FYB2: variants seen among roughly 807,000 people sequenced by gnomAD.
FYB2 encodes the protein FYN binding protein 2, also known as FYN-binding protein 2.
Under a neutral mutation model 94.1 loss-of-function variants are expected in FYB2, and 103 were observed. The ratio of observed to expected loss-of-function variants is 1.09; its 90% CI spans 0.93 to 1.29. The LOEUF (loss-of-function observed/expected upper bound fraction) is 1.29, where lower values mean the gene tolerates loss of function less well. FYB2 is among the 50% of genes most tolerant of loss of function. FYB2 has a pLI of 0.00. For missense variants in FYB2, 896 were observed against 841.5 expected (o/e 1.06, Z -0.80); for synonymous variants, 293 against 287.9 (o/e 1.02, Z -0.18).
intron 4 of FYB2, among the ~76,000 whole-genome samples, chr1:56,783,026 T>A (rs1016786061): frequency 1.3e-5 from 2 of 152,164 alleles, no homozygotes; most frequent in Admixed American, 1.3e-4. Context: ...GCCAGCCAGC[T>A]TGGTTTGCAT....
intron 15 of FYB2, among the ~76,000 whole-genome samples, chr1:56,734,450 T>A (rs1644784428): frequency 6.6e-6 from 1 of 152,052 alleles, no homozygotes; most frequent in South Asian, 2.1e-4. Flanking sequence ...TAAGAAAACA[T>A]GGCACATATA....
At chr1:56,805,462 G>T (rs1050476541) in intron 1 of FYB2, among the ~76,000 whole-genome samples, 1 of 152,186 alleles carries the variant, frequency 6.6e-6, no homozygotes, top group Admixed American at 6.5e-5. Context: ...CGTGTATGTT[G>T]TCTCAATTAC....
chr1:56,738,692 A>C, intron 13 of FYB2, 39 bp from the exon 14 acceptor site: 2 of 1,600,240 alleles, frequency 1.2e-6, no homozygotes, highest in Non-Finnish European at 8.5e-7. Context: ...TTAAGGAAAA[A>C]AACCATGTTT....
At chr1:56,810,126 T>C (rs1646733040) in intron 1 of FYB2, among the ~76,000 whole-genome samples, 1 of 152,156 alleles carries the variant, frequency 6.6e-6, no homozygotes, top group Non-Finnish European at 1.5e-5. Context: ...TGGTGATTTT[T>C]AGTGATGAAA....
chr1:56,814,661 A>G (rs1302981918), intron 1 of FYB2, among the ~76,000 whole-genome samples: 2 of 152,168 alleles, frequency 1.3e-5, no homozygotes, highest in South Asian at 2.1e-4. Flanking sequence ...AAATTCTCCC[A>G]GAACTCACAA....
intron 7 of FYB2, 57 bp downstream of exon 7, chr1:56,755,839 A>T: frequency 1.3e-6 from 2 of 1,505,462 alleles, no homozygotes; most frequent in Non-Finnish European, 1.8e-6. Flanking sequence ...AAACTAGTTC[A>T]GTCATCAGAA....
upstream of FYB2, chr1:56,819,413 C>T (rs974599324): frequency 4.1e-5 from 57 of 1,395,814 alleles, no homozygotes; most frequent in African/African-American, 1.4e-5. Flanking sequence ...ACAGGACACA[C>T]CTGAGCCCAG....
At chr1:56,805,612 G>A (rs894589772) in intron 1 of FYB2, among the ~76,000 whole-genome samples, 3 of 152,152 alleles carry the variant, frequency 2.0e-5, no homozygotes, top group African/African-American at 4.8e-5. Flanking sequence ...ACCAAAGCCT[G>A]TTGATATGGT....
At chr1:56,802,321 G>A (rs1181313920) in intron 1 of FYB2, among the ~76,000 whole-genome samples, 1 of 152,166 alleles carries the variant, frequency 6.6e-6, no homozygotes, top group Non-Finnish European at 1.5e-5. Context: ...TAGCTGGGCT[G>A]GAGCAATTCG....
intron 4 of FYB2, among the ~76,000 whole-genome samples, chr1:56,782,749 A>G (rs1646037763): frequency 6.6e-6 from 1 of 152,168 alleles, no homozygotes; most frequent in African/African-American, 2.4e-5. Flanking sequence ...TAAACTCTTG[A>G]GAATTCACCC....
At chr1:56,772,132 C>T (rs1239244626) in intron 4 of FYB2, among the ~76,000 whole-genome samples, 1 of 152,024 alleles carries the variant, frequency 6.6e-6, no homozygotes, top group Non-Finnish European at 1.5e-5. Context: ...ATAGGCTATG[C>T]CATAGAGCTC....
At chr1:56,798,986 G>A (rs1217752412) in intron 1 of FYB2, among the ~76,000 whole-genome samples, 1 of 152,186 alleles carries the variant, frequency 6.6e-6, no homozygotes, top group African/African-American at 2.4e-5. Context: ...CATAAATGCT[G>A]TAACCTCCTC....
At chr1:56,795,566 T>C (rs1646377865) in intron 1 of FYB2, among the ~76,000 whole-genome samples, 1 of 152,134 alleles carries the variant, frequency 6.6e-6, no homozygotes, top group African/African-American at 2.4e-5. Flanking sequence ...CTGTTTTCCA[T>C]AGCAACTGCA....
chr1:56,764,500 G>T (rs2100790007), intron 5 of FYB2, among the ~76,000 whole-genome samples: 1 of 149,494 alleles, frequency 6.7e-6, no homozygotes, highest in East Asian at 2.0e-4. Context: ...CCTCCATTCT[G>T]CTGTTGAGCA....
At position 56,737,162 on chromosome 1, in the gene FYB2, G is replaced by T. The variant is rs1189612261; in HGVS notation, c.1733-15C>A. 2 of 1,574,292 alleles carry T rather than the reference G, an allele frequency of 1.3e-6. No homozygotes were observed. Among genetic ancestry groups the T allele is most frequent in the Non-Finnish European group, 1.7e-6 (2 of 1,150,698 alleles). ...AGACTTAAGTTCTAGGGTCAAGACA[G>T]AATCAAAATAGTCCATTATTAAGCA... On this transcript the variant is annotated splice_polypyrimidine_tract_variant and intron_variant, in intron 14 of 19. Transcript: ENST00000343433.
At chr1:56,755,260 G>A (rs981993862) in intron 7 of FYB2, among the ~76,000 whole-genome samples, 3 of 152,068 alleles carry the variant, frequency 2.0e-5, no homozygotes, top group African/African-American at 4.8e-5. Context: ...AGGGGAGTAG[G>A]GAGGGGAGGA....
intron 1 of FYB2, among the ~76,000 whole-genome samples, chr1:56,811,760 C>CAAAG (rs773722013): frequency 1.6e-5 from 2 of 123,928 alleles, no homozygotes; most frequent in Non-Finnish European, 3.1e-5. Context: ...ATGGACCAAA[C>CAAAG]AAACAAACAA....
rs540338503 is a variant in FYB2, at chr1:56,789,632, A to G, written c.758-498T>C. ...TCTAGAAAGCTTTTCTTGATTTCTC[A>G]CAGGAATCAAGGCCAGAATCAACCT... On this transcript the variant is annotated intron_variant, in intron 2 of 19. Transcript: ENST00000343433. Among the ~76,000 whole-genome samples, 6 of 152,278 alleles carry G rather than the reference A, an allele frequency of 3.9e-5. No homozygotes were observed. In the South Asian group the frequency reaches 6.2e-4, roughly 16 times the overall value.
Position 56,741,851 on chromosome 1 carries a change from T to C in FYB2, c.1604+310A>G, listed in dbSNP as rs1219271523. On this transcript the variant is annotated intron_variant, in intron 12 of 19. Coordinates refer to ENST00000343433, the MANE Select transcript of FYB2 (RefSeq NM_001004303.5). ...TTTATTAATATTTACATCTCTTTTA[T>C]TACTTATTTTCTAACCCAATATCAA... Among the ~76,000 whole-genome samples the C allele has an allele frequency of 2.0e-5, 3 of 152,090 alleles. No homozygotes were observed. In the East Asian group the frequency reaches 5.8e-4, roughly 29 times the overall value.
Sources: gnomAD v4.1 joint callset for allele counts (sites outside exome capture counted in the v4.1 genomes callset) on GRCh38, gnomAD v4.1.1 for gene constraint, MANE v1.5 for transcripts, NCBI Gene and HGNC (gene_info 2026-07-23, HGNC 2026-07-21) for gene names.